Variants in MBD5 observed in about 807,000 individuals in gnomAD.
MBD5 encodes the protein methyl-CpG binding domain protein 5.
MBD5 carries 13 observed loss-of-function variants against 117.3 expected under a neutral mutation model. That is an observed-to-expected ratio of 0.11 (90% CI 0.07 to 0.18). The LOEUF is 0.18. Ranked by LOEUF, MBD5 falls within the 10% of genes least tolerant of loss-of-function variation. The probability of loss-of-function intolerance (pLI) is 1.00; values close to 1 mark genes in which losing one functional copy is unlikely to be tolerated. For missense variants in MBD5, 1,879 were observed against 2,093.8 expected, an observed-to-expected ratio of 0.90 and a Z score of 2.00; for synonymous variants, 727 against 766.4, an observed-to-expected ratio of 0.95 and a Z score of 0.85.
intron 3 of MBD5, among the ~76,000 whole-genome samples, chr2:148,334,998 G>A (rs1702751013): frequency 6.6e-6 from 1 of 152,084 alleles, no homozygotes; most frequent in Non-Finnish European, 1.5e-5. Context: ...GTAAACCCAG[G>A]AACAATAACT....
At chr2:148,247,994 C>T (rs1324085305) in intron 3 of MBD5, among the ~76,000 whole-genome samples, 5 of 152,172 alleles carry the variant, frequency 3.3e-5, no homozygotes, top group South Asian at 2.1e-4. Context: ...CTAAAACAAA[C>T]AAACACAAAC....
intron 3 of MBD5, chr2:148,330,543 T>A (rs1239564915): frequency 6.6e-6 from 1 of 152,106 alleles, no homozygotes; most frequent in East Asian, 1.9e-4. Context: ...TCATTACAAA[T>A]CCTGCTATAG....
chr2:148,322,950 T>C (rs1702324501), intron 3 of MBD5, among the ~76,000 whole-genome samples: 1 of 150,208 alleles, frequency 6.7e-6, no homozygotes, highest in African/African-American at 2.5e-5. Context: ...ACCCACTAAC[T>C]CGTCATCTAG....
At chr2:148,383,918 T>C (rs1319016897) in intron 4 of MBD5, among the ~76,000 whole-genome samples, 1 of 152,198 alleles carries the variant, frequency 6.6e-6, no homozygotes, top group Non-Finnish European at 1.5e-5. Context: ...CACCCCTTCA[T>C]GCTAAAAACT....
intron 3 of MBD5, among the ~76,000 whole-genome samples, chr2:148,289,835 T>G (rs1426857044): frequency 6.6e-6 from 1 of 152,110 alleles, no homozygotes; most frequent in Non-Finnish European, 1.5e-5. Flanking sequence ...AAAAAAAGTC[T>G]GAGAAAGTTA....
At chr2:148,080,513 C>T (rs1695623035) in intron 1 of MBD5, among the ~76,000 whole-genome samples, 1 of 152,028 alleles carries the variant, frequency 6.6e-6, no homozygotes, top group Non-Finnish European at 1.5e-5. Flanking sequence ...AAAAATCTGG[C>T]ATCCACTTTT....
chr2:148,058,430 C>T lies in MBD5; in HGVS notation c.-925+36746C>T, dbSNP rs550070207. Among the ~76,000 whole-genome samples the T allele has an allele frequency of 1.5e-4, 23 of 151,858 alleles. 1 individual carries two copies. In the South Asian group the frequency reaches 2.3e-3, roughly 15 times the overall value. The stretch of plus-strand genomic sequence containing the variant: ...TCTATCGGTCTTTTTTCAGTATTTG[C>T]GATTTTATTAAGAAGGAAGTTTAGA... On this transcript the variant is annotated intron_variant, in intron 1 of 13. Transcript: ENST00000642680.
At chr2:148,286,408 A>G (rs893834824) in intron 3 of MBD5, among the ~76,000 whole-genome samples, 6 of 152,210 alleles carry the variant, frequency 3.9e-5, no homozygotes, top group Non-Finnish European at 7.3e-5. Context: ...CAAGCTGACA[A>G]GCAGACTTAC....
rs59015209 is a variant in MBD5 at position 148,398,849 on chromosome 2, T to C, written c.-557+56513T>C. Among the ~76,000 whole-genome samples, 660 of 152,248 alleles carry C rather than the reference T, an allele frequency of 4.3e-3. 6 individuals carry two copies. Among genetic ancestry groups the C allele is most frequent in the African/African-American group, 0.014 (588 of 41,558 alleles). On this transcript the variant is annotated intron_variant, in intron 4 of 13. Coordinates refer to ENST00000642680, the MANE Select transcript of MBD5 (RefSeq NM_001378120.1). ...TTTGTATAAGGTGTAAGGAAGGGATTCAGTTTCAGCTTTCTACATATGGCT... is the reference window on the plus strand; with the variant it reads ...TTTGTATAAGGTGTAAGGAAGGGATCCAGTTTCAGCTTTCTACATATGGCT...
chr2:148,413,901 TATTTTCTAAAAAAAAA>T (rs1164845144), intron 4 of MBD5, among the ~76,000 whole-genome samples: 15 of 139,726 alleles, frequency 1.1e-4, no homozygotes, highest in Non-Finnish European at 9.3e-5. Flanking sequence ...CAATCTTACT[TATTTTCTAAAAAAAAA>T]AAAAAAGCCA....
chr2:148,202,294 C>G (rs1699166029), intron 2 of MBD5, among the ~76,000 whole-genome samples: 2 of 152,032 alleles, frequency 1.3e-5, no homozygotes, highest in African/African-American at 4.8e-5. Flanking sequence ...ATTGGAAGTC[C>G]TATTTTGATA....
At chr2:148,284,999 T>A (rs1038963500) in intron 3 of MBD5, among the ~76,000 whole-genome samples, 1 of 152,176 alleles carries the variant, frequency 6.6e-6, no homozygotes, top group Non-Finnish European at 1.5e-5. Flanking sequence ...TGTCTGTTAT[T>A]ACAGCCTTCC....
intron 4 of MBD5, among the ~76,000 whole-genome samples, chr2:148,447,148 A>G (rs1271189633): frequency 6.7e-6 from 1 of 148,990 alleles, no homozygotes; most frequent in African/African-American, 2.5e-5. Context: ...AGAGAGAAAG[A>G]AAGAAGGAAA....
chr2:148,180,836 C>T (rs1698515124), intron 2 of MBD5, among the ~76,000 whole-genome samples: 1 of 152,096 alleles, frequency 6.6e-6, no homozygotes, highest in Non-Finnish European at 1.5e-5. Flanking sequence ...CATTCTCCTG[C>T]CCTTGACCCA....
intron 3 of MBD5, among the ~76,000 whole-genome samples, chr2:148,315,872 C>A (rs1264199822): frequency 6.6e-6 from 1 of 152,162 alleles, no homozygotes; most frequent in Admixed American, 6.6e-5. Context: ...TTTCATTAGT[C>A]CGTTCTCACA....
intron 3 of MBD5, among the ~76,000 whole-genome samples, chr2:148,271,763 C>T (rs138682304): frequency 8.0e-5 from 12 of 150,182 alleles, no homozygotes; most frequent in African/African-American, 2.7e-4. Context: ...ATATGCATTA[C>T]CTCCATTTTT....
Position 148,168,061 on chromosome 2 carries a change from A to T in MBD5, c.-924-10639A>T, listed in dbSNP as rs1698171162. ...GGCTGAATCCGAAAGGGGGCAGTAC[A>T]ACTTTGGTGTTTAATTTGTGAAAGT... On this transcript the variant is annotated intron_variant, in intron 1 of 13. Coordinates refer to ENST00000642680, the MANE Select transcript of MBD5 (RefSeq NM_001378120.1). 2.0e-5 allele frequency among the ~76,000 whole-genome samples: 3 copies of T among 152,192 alleles called. No individual in the cohort carries two copies. The South Asian group carries it at 6.2e-4, about 32-fold the overall frequency.
chr2:148,049,692 A>G (rs1397053888), intron 1 of MBD5, among the ~76,000 whole-genome samples: 1 of 152,160 alleles, frequency 6.6e-6, no homozygotes, highest in African/African-American at 2.4e-5. Flanking sequence ...AAGAAACCCT[A>G]TACCTGTTAG....
intron 4 of MBD5, among the ~76,000 whole-genome samples, chr2:148,423,555 A>G (rs1018806139): frequency 3.3e-5 from 5 of 152,156 alleles, no homozygotes; most frequent in African/African-American, 1.2e-4. Flanking sequence ...AGGAAGCACT[A>G]AACATAGAAA....
Sources: gnomAD v4.1 joint callset for allele counts (sites outside exome capture counted in the v4.1 genomes callset) on GRCh38, gnomAD v4.1.1 for gene constraint, MANE v1.5 for transcripts, NCBI Gene and HGNC (gene_info 2026-07-23, HGNC 2026-07-21) for gene names.